The following SOX5 variants were observed in gnomAD, a reference collection of about 807,000 sequenced individuals.
SOX5 encodes SRY-box transcription factor 5, also known as transcription factor SOX-5.
In SOX5, 9 loss-of-function variants were observed where a neutral mutation model predicts 92.0. That is an observed-to-expected ratio of 0.10 (90% confidence interval 0.06 to 0.17). The LOEUF (loss-of-function observed/expected upper bound fraction) is 0.17. SOX5 is among the 10% of genes least tolerant of loss of function. The pLI, the probability that SOX5 is intolerant of heterozygous loss-of-function variation, is 1.00. For missense variants in SOX5, 642 were observed against 944.5 expected (o/e 0.68, Z 4.20); for synonymous variants, 344 against 336.3 (o/e 1.02, Z -0.25).
At chr12:24,419,931 G>T (rs1965658422) in intron 1 of SOX5, among the ~76,000 whole-genome samples, 1 of 152,166 alleles carries the variant, frequency 6.6e-6, no homozygotes, top group South Asian at 2.1e-4. Context: ...TACCAAAAGG[G>T]AGCCAAAGAT....
intron 3 of SOX5, among the ~76,000 whole-genome samples, chr12:24,266,591 T>G (rs1943049645): frequency 6.6e-6 from 1 of 152,210 alleles, no homozygotes; most frequent in Non-Finnish European, 1.5e-5. Flanking sequence ...AATCAAACAT[T>G]TTATGTTTAT....
chr12:24,294,947 G>T (rs555921688), intron 2 of SOX5, among the ~76,000 whole-genome samples: 10 of 152,082 alleles, frequency 6.6e-5, no homozygotes, highest in African/African-American at 2.4e-4. Context: ...ATCCACAAAA[G>T]GTAAAATATG....
At chr12:24,518,887 G>T (rs1034877618) in intron 1 of SOX5, among the ~76,000 whole-genome samples, 1 of 151,966 alleles carries the variant, frequency 6.6e-6, no homozygotes, top group Admixed American at 6.6e-5. Flanking sequence ...TTAATATTTA[G>T]GAAACAAAAC....
chr12:23,744,348 G>A (rs1229511298), intron 4 of SOX5, among the ~76,000 whole-genome samples: 1 of 152,034 alleles, frequency 6.6e-6, no homozygotes, highest in Non-Finnish European at 1.5e-5. Flanking sequence ...CCCTAAGATT[G>A]TCCCCCAGCC....
rs2080929147 is a variant in SOX5, at chr12:23,646,895, G to C, written c.932-5998C>G. Among the ~76,000 whole-genome samples, 3 of 152,104 alleles carry C rather than the reference G, an allele frequency of 2.0e-5. No individual in the cohort carries two copies. The South Asian group carries it at 6.2e-4, about 32-fold the overall frequency. ...TCTTGAACCCCTCAAAGTCATCCAA[G>C]GGGGGTAAAATCAAATTCTTTCAAA... On this transcript the variant is annotated intron_variant, in intron 7 of 14. Coordinates refer to ENST00000451604, the MANE Select transcript of SOX5 (RefSeq NM_006940.6).
At chr12:24,310,853 TG>T (rs1949093317) in intron 2 of SOX5, among the ~76,000 whole-genome samples, 1 of 151,096 alleles carries the variant, frequency 6.6e-6, no homozygotes, top group African/African-American at 2.5e-5. Flanking sequence ...TCAATTTTTT[TG>T]TTTCTTTTTT....
At chr12:24,423,275 G>C (rs1211816001) in intron 1 of SOX5, among the ~76,000 whole-genome samples, 1 of 152,152 alleles carries the variant, frequency 6.6e-6, no homozygotes, top group Non-Finnish European at 1.5e-5. Flanking sequence ...AAAGTCTCAA[G>C]TCTCAATTGA....
At chr12:24,412,121 G>A (rs1474340610) in intron 1 of SOX5, among the ~76,000 whole-genome samples, 3 of 152,086 alleles carry the variant, frequency 2.0e-5, no homozygotes, top group Admixed American at 6.5e-5. Context: ...TGATACATCC[G>A]TATCGTATCG....
At chr12:24,015,419 C>A (rs1953480303) in intron 4 of SOX5, among the ~76,000 whole-genome samples, 2 of 152,080 alleles carry the variant, frequency 1.3e-5, no homozygotes, top group Non-Finnish European at 2.9e-5. Flanking sequence ...CTCCTAAGAA[C>A]CATTTTTATA....
chr12:23,975,299 A>G (rs532889369), intron 4 of SOX5, among the ~76,000 whole-genome samples: 89 of 152,274 alleles, frequency 5.8e-4, no homozygotes, highest in African/African-American at 2.0e-3. Context: ...ACCAAACCAG[A>G]ACTTTACTCT....
At chr12:24,266,437 T>C (rs1488305097) in intron 3 of SOX5, among the ~76,000 whole-genome samples, 4 of 152,246 alleles carry the variant, frequency 2.6e-5, no homozygotes, top group East Asian at 1.9e-4. Flanking sequence ...AGTAACACAA[T>C]TGACACAACT....
chr12:24,321,665 A>C (rs572509158), intron 2 of SOX5, among the ~76,000 whole-genome samples: 5 of 152,192 alleles, frequency 3.3e-5, no homozygotes, highest in Non-Finnish European at 5.9e-5. Flanking sequence ...ATCTTGCTGG[A>C]GTACAAGAAA....
At chr12:23,663,146 G>A (rs1242112003) in intron 7 of SOX5, among the ~76,000 whole-genome samples, 1 of 152,118 alleles carries the variant, frequency 6.6e-6, no homozygotes, top group Non-Finnish European at 1.5e-5. Context: ...AAACGCCAGG[G>A]GTCAATGAGG....
chr12:23,725,026 A>G lies in SOX5; in HGVS notation c.810+9658T>C, dbSNP rs542789438. ...TTGACAGATGTTGGACAGAAAACCA[A>G]TGTAGATGGATTAGTTGTGAGATGT... is the stretch of plus-strand genomic sequence containing the variant. On this transcript the variant is annotated intron_variant, in intron 6 of 14. Coordinates refer to ENST00000451604, the MANE Select transcript of SOX5 (RefSeq NM_006940.6). 1.4e-4 allele frequency among the ~76,000 whole-genome samples: 21 copies of G among 152,344 alleles called. 1 individual carries two copies. The highest frequency in any genetic ancestry group is 2.1e-4 in the South Asian group (1 of 4,830).
At chr12:24,426,311 G>C (rs192951964) in intron 1 of SOX5, among the ~76,000 whole-genome samples, 3 of 152,066 alleles carry the variant, frequency 2.0e-5, no homozygotes, top group African/African-American at 7.2e-5. Context: ...GGCCTGTCGG[G>C]GGGTGGGGAC....
chr12:23,661,386 C>T (rs1278220518), intron 7 of SOX5, among the ~76,000 whole-genome samples: 1 of 152,104 alleles, frequency 6.6e-6, no homozygotes, highest in Non-Finnish European at 1.5e-5. Context: ...TGCAAAGAAG[C>T]CATGTGCTGC....
chr12:24,049,504 C>T (rs1957347426), intron 4 of SOX5, among the ~76,000 whole-genome samples: 1 of 152,118 alleles, frequency 6.6e-6, no homozygotes, highest in Non-Finnish European at 1.5e-5. Flanking sequence ...TTCCAATGAA[C>T]ATGGCAAATT....
chr12:23,959,877 T>C (rs1302645854), intron 4 of SOX5, among the ~76,000 whole-genome samples: 3 of 152,170 alleles, frequency 2.0e-5, no homozygotes, highest in Non-Finnish European at 4.4e-5. Flanking sequence ...TATAAAAACT[T>C]ATAGGAACAT....
At chr12:24,416,153 G>T (rs544403606) in intron 1 of SOX5, among the ~76,000 whole-genome samples, 1 of 152,308 alleles carries the variant, frequency 6.6e-6, no homozygotes, top group East Asian at 1.9e-4. Context: ...AAGCAAGAGC[G>T]GGGCAGGCCA....
Sources: gnomAD v4.1 joint callset for allele counts (sites outside exome capture counted in the v4.1 genomes callset) on GRCh38, gnomAD v4.1.1 for gene constraint, MANE v1.5 for transcripts, NCBI Gene and HGNC (gene_info 2026-07-23, HGNC 2026-07-21) for gene names.